Variants in SH3RF1 observed in about 807,000 individuals in gnomAD.
SH3RF1 encodes the protein SH3 domain containing ring finger 1, also known as E3 ubiquitin-protein ligase SH3RF1.
SH3RF1 carries 32 observed loss-of-function variants against 74.0 expected under a neutral mutation model. The observed-to-expected ratio is 0.43, with a 90% CI of 0.33 to 0.58. SH3RF1 has a LOEUF of 0.58. Ranked by LOEUF, SH3RF1 falls within the 20% of genes least tolerant of loss-of-function variation. The probability of loss-of-function intolerance (pLI) is 0.05; values close to 1 mark genes in which losing one functional copy is unlikely to be tolerated. For synonymous variants in SH3RF1, 396 were observed against 439.6 expected, an observed-to-expected ratio of 0.90 and a Z score of 1.24; for missense variants, 954 against 1,130.9, an observed-to-expected ratio of 0.84 and a Z score of 2.24.
At chr4:169,241,108 T>C (rs1730901412) in intron 2 of SH3RF1, among the ~76,000 whole-genome samples, 1 of 152,160 alleles carries the variant, frequency 6.6e-6, no homozygotes, top group South Asian at 2.1e-4. Context: ...CGGGCGCCTG[T>C]AGTCCCAGCT....
chr4:169,224,882 T>C (rs1484288352), intron 2 of SH3RF1, among the ~76,000 whole-genome samples: 1 of 152,032 alleles, frequency 6.6e-6, no homozygotes, highest in Non-Finnish European at 1.5e-5. Context: ...GAATGGAAAA[T>C]TGGGGCCAGA....
intron 6 of SH3RF1, among the ~76,000 whole-genome samples, chr4:169,123,954 A>T (rs1733484192): frequency 6.6e-6 from 1 of 152,142 alleles, no homozygotes; most frequent in Non-Finnish European, 1.5e-5. Flanking sequence ...AGCCTCCAAA[A>T]CCTTTAACCA....
chr4:169,156,749 C>CA, intron 2 of SH3RF1, 70 bp from the exon 3 acceptor site: 3 of 1,409,966 alleles, frequency 2.1e-6, no homozygotes, highest in Non-Finnish European at 2.9e-6. Flanking sequence ...AATACAACTG[C>CA]GTTGTCATTG....
intron 2 of SH3RF1, among the ~76,000 whole-genome samples, chr4:169,232,677 G>C (rs1215003475): frequency 1.3e-5 from 2 of 152,130 alleles, no homozygotes; most frequent in Non-Finnish European, 2.9e-5. Context: ...GGCTGTAAGA[G>C]CATGGAACAT....
At position 169,136,566 on chromosome 4, in the gene SH3RF1, C is replaced by T; in HGVS notation, c.820G>A (p.Val274Ile). The change falls in exon 5 of 12, where the codon GTT (valine) becomes ATT (isoleucine). Residue 274 changes from valine to isoleucine, a missense_variant. This residue lies in a region of SH3RF1 where 854 missense variants were observed against 962.5 expected (regional missense o/e 0.89). Transcript: ENST00000284637. ...GCCGAGGAACATTCTCCAGCATCAA[C>T]TCCTGGCACAGGAGGCTTATCCCAT... ...IEWDKPPVPG[V>I]DAGECSSAAA... 1.9e-6 allele frequency: 3 copies of T among 1,596,668 alleles called. No individual in the cohort carries two copies. The highest frequency in any genetic ancestry group is 2.6e-6 in the Non-Finnish European group (3 of 1,172,346).
At chr4:169,182,728 G>C (rs1202806813) in intron 2 of SH3RF1, among the ~76,000 whole-genome samples, 1 of 152,040 alleles carries the variant, frequency 6.6e-6, no homozygotes, top group African/African-American at 2.4e-5. Context: ...CTTACAGGAG[G>C]CAAAGTGTTC....
chr4:169,148,402 A>C (rs1733926560), intron 4 of SH3RF1, among the ~76,000 whole-genome samples: 1 of 152,250 alleles, frequency 6.6e-6, no homozygotes, highest in South Asian at 2.1e-4. Context: ...ACTGATGTTT[A>C]GTAGTACTAC....
intron 5 of SH3RF1, 42 bp from the exon 6 acceptor site, chr4:169,130,198 A>G (rs1329633316): frequency 7.7e-7 from 1 of 1,301,812 alleles, no homozygotes; most frequent in African/African-American, 1.5e-5. Flanking sequence ...GACTATGTTT[A>G]ATACAACAGA....
At chr4:169,174,882 T>C (rs1177990322) in intron 2 of SH3RF1, among the ~76,000 whole-genome samples, 1 of 152,158 alleles carries the variant, frequency 6.6e-6, no homozygotes, top group Non-Finnish European at 1.5e-5. Context: ...CTCCCAGATC[T>C]AACCTCAGCT....
intron 6 of SH3RF1, among the ~76,000 whole-genome samples, chr4:169,123,309 A>G (rs1211399408): frequency 1.3e-5 from 2 of 152,228 alleles, no homozygotes; most frequent in Non-Finnish European, 2.9e-5. Context: ...TAATATAGAC[A>G]TACATAGTTC....
chr4:169,195,508 A>G (rs987932016), intron 2 of SH3RF1, among the ~76,000 whole-genome samples: 2 of 152,174 alleles, frequency 1.3e-5, no homozygotes, highest in Admixed American at 1.3e-4. Flanking sequence ...TTCTATTCAA[A>G]TACTGCGGTG....
intron 4 of SH3RF1, among the ~76,000 whole-genome samples, chr4:169,148,175 G>C (rs1047735910): frequency 1.3e-5 from 2 of 152,154 alleles, no homozygotes; most frequent in African/African-American, 4.8e-5. Flanking sequence ...TAATAATAGT[G>C]ATTCTGCCCA....
chr4:169,261,725 A>T (rs1193549739), intron 2 of SH3RF1, among the ~76,000 whole-genome samples: 2 of 152,150 alleles, frequency 1.3e-5, no homozygotes, highest in Non-Finnish European at 2.9e-5. Flanking sequence ...ATACAATGTG[A>T]TTCCATTTCT....
rs111391601 is a variant in SH3RF1, at chr4:169,252,651, T to A, written c.393+16169A>T. On this transcript the variant is annotated intron_variant, in intron 2 of 11. Transcript: ENST00000284637. Reference sequence around the variant, plus strand: ...TCTATCTTTAACCAACCTATTCTATTTTTTTGGCTTAATATCCCAGTATGT... The same window carrying A: ...TCTATCTTTAACCAACCTATTCTATATTTTTGGCTTAATATCCCAGTATGT... 2.6e-3 allele frequency among the ~76,000 whole-genome samples: 403 copies of A among 152,326 alleles called. 1 individual carries two copies. Among genetic ancestry groups the A allele is most frequent in the African/African-American group, 9.2e-3 (381 of 41,576 alleles).
chr4:169,218,301 A>AAATATAT (rs1561055937), intron 2 of SH3RF1, among the ~76,000 whole-genome samples: 10 of 96,688 alleles, frequency 1.0e-4, no homozygotes, highest in South Asian at 3.7e-4. Flanking sequence ...TATATAATAT[A>AAATATAT]AATATAGAAT....
At chr4:169,194,804 C>T (rs1424229591) in intron 2 of SH3RF1, among the ~76,000 whole-genome samples, 1 of 152,116 alleles carries the variant, frequency 6.6e-6, no homozygotes, top group Non-Finnish European at 1.5e-5. Context: ...ATGCATGTTC[C>T]CTACCAGCTG....
chr4:169,136,646 A>G (rs749492724), intron 4 of SH3RF1, 26 bp from the exon 5 acceptor site: 1 of 1,472,540 alleles, frequency 6.8e-7, no homozygotes, highest in Non-Finnish European at 9.0e-7. Flanking sequence ...ACAAACCAAC[A>G]CAAGAAGGTT....
intron 2 of SH3RF1, among the ~76,000 whole-genome samples, chr4:169,262,375 A>G (rs770664355): frequency 3.1e-4 from 47 of 152,188 alleles, no homozygotes; most frequent in Non-Finnish European, 6.2e-4. Context: ...TTTAAAAATG[A>G]TAACACTTAG....
At chr4:169,233,041 G>T (rs919873954) in intron 2 of SH3RF1, among the ~76,000 whole-genome samples, 7 of 152,194 alleles carry the variant, frequency 4.6e-5, no homozygotes, top group Middle Eastern at 6.8e-3. Context: ...CTAAGGTTAG[G>T]AGTTCAAGAC....
Sources: allele counts gnomAD v4.1 joint callset (sites outside exome capture counted in the v4.1 genomes callset), GRCh38; gene constraint gnomAD v4.1.1; regional missense constraint gnomAD v4.1.1; transcripts MANE v1.5; gene names NCBI Gene and HGNC (gene_info 2026-07-23, HGNC 2026-07-21).